CHST8: variants seen among roughly 807,000 people sequenced by gnomAD.
The protein encoded by CHST8 is carbohydrate sulfotransferase 8, also known as GALNAC-4-ST1.
CHST8 carries 10 observed loss-of-function variants against 15.0 expected under a neutral mutation model. The observed-to-expected ratio is 0.67, with a 90% CI of 0.41 to 1.13. CHST8 has a LOEUF of 1.13. Among genes scored for constraint, CHST8 ranks in the 50% most tolerant of loss-of-function variants. The pLI, the probability that CHST8 is intolerant of heterozygous loss-of-function variation, is 0.00. For missense variants in CHST8, 634 were observed against 608.2 expected (o/e 1.04, Z -0.45); for synonymous variants, 259 against 256.6 (o/e 1.01, Z -0.09).
Position 33,689,286 on chromosome 19 carries a change from C to A in CHST8, c.25C>A (p.Arg9=). ...GATGACCCTGCGACCTGGAACAATGCGGCTGGCCTGCATGTTCTCTTCCAT... is the reference window on the plus strand; with the variant it reads ...GATGACCCTGCGACCTGGAACAATGAGGCTGGCCTGCATGTTCTCTTCCAT... MTLRPGTM[R]LACMFSSILL... The change falls in exon 3 of 5, where the codon CGG becomes AGG. Residue 9 remains arginine (R), a synonymous_variant. Coordinates refer to ENST00000650847, the MANE Select transcript of CHST8 (RefSeq NM_001127895.2). 3 of 1,604,458 alleles carry A rather than the reference C, an allele frequency of 1.9e-6. No individual in the cohort carries two copies. The highest frequency in any genetic ancestry group is 1.1e-5 in the South Asian group (1 of 89,562).
At chr19:33,757,409 A>G (rs529741044) in intron 3 of CHST8, among the ~76,000 whole-genome samples, 1 of 6,064 alleles carries the variant, frequency 1.6e-4, no homozygotes, top group East Asian at 4.3e-3. Context: ...AAAGAAAGAA[A>G]GAAAGAAAGA....
intron 1 of CHST8, among the ~76,000 whole-genome samples, chr19:33,645,535 A>T (rs1198676311): frequency 3.3e-5 from 5 of 152,088 alleles, no homozygotes; most frequent in African/African-American, 1.2e-4. Context: ...GGGTGTGAGG[A>T]AGAGATAGCT....
At chr19:33,673,910 C>CGTCTGGCT (rs1972776253) in intron 2 of CHST8, among the ~76,000 whole-genome samples, 1 of 152,156 alleles carries the variant, frequency 6.6e-6, no homozygotes, top group East Asian at 1.9e-4. Context: ...CGCGCCATCA[C>CGTCTGGCT]ATCTGGCTAA....
intron 1 of CHST8, among the ~76,000 whole-genome samples, chr19:33,648,902 CTTTTTTTTT>C (rs376386370): frequency 1.0e-5 from 1 of 100,002 alleles, no homozygotes; most frequent in Non-Finnish European, 1.8e-5. Context: ...GAATGAAGCA[CTTTTTTTTT>C]TTTTTTTTTT....
At chr19:33,668,600 G>A (rs1429042296) in intron 2 of CHST8, among the ~76,000 whole-genome samples, 1 of 152,174 alleles carries the variant, frequency 6.6e-6, no homozygotes, top group Non-Finnish European at 1.5e-5. Flanking sequence ...GCAAGTGTAT[G>A]AGAATCTCCA....
At chr19:33,671,946 T>C (rs1972743720) in intron 2 of CHST8, among the ~76,000 whole-genome samples, 1 of 151,974 alleles carries the variant, frequency 6.6e-6, no homozygotes, top group Non-Finnish European at 1.5e-5. Context: ...ACCCCAAGTA[T>C]TGGTAATTGT....
At chr19:33,632,696 C>G (rs1218489152) in intron 1 of CHST8, among the ~76,000 whole-genome samples, 1 of 152,092 alleles carries the variant, frequency 6.6e-6, no homozygotes, top group Non-Finnish European at 1.5e-5. Flanking sequence ...TCATTCCCCT[C>G]CACCACAGAA....
At chr19:33,732,466 G>A (rs1974013442) in intron 3 of CHST8, among the ~76,000 whole-genome samples, 1 of 151,792 alleles carries the variant, frequency 6.6e-6, no homozygotes, top group Admixed American at 6.5e-5. Flanking sequence ...ACTGGCTACA[G>A]AGTCAGGTGT....
At chr19:33,652,650 AC>A (rs1374088302) in intron 1 of CHST8, among the ~76,000 whole-genome samples, 5 of 152,120 alleles carry the variant, frequency 3.3e-5, no homozygotes, top group African/African-American at 1.2e-4. Flanking sequence ...TGCTGGGATT[AC>A]AGGCATGAGC....
intron 3 of CHST8, among the ~76,000 whole-genome samples, chr19:33,721,220 G>T (rs1454384126): frequency 6.6e-6 from 1 of 152,314 alleles, no homozygotes; most frequent in East Asian, 1.9e-4. Flanking sequence ...GTCAGCATTG[G>T]CTCCAGCAGC....
chr19:33,713,235 C>T (rs1216844079), intron 3 of CHST8, among the ~76,000 whole-genome samples: 6 of 152,202 alleles, frequency 3.9e-5, no homozygotes, highest in Non-Finnish European at 5.9e-5. Flanking sequence ...TGCTGCTTCT[C>T]GCTACCCACA....
intron 3 of CHST8, chr19:33,744,329 A>G (rs1345823327): frequency 6.6e-6 from 1 of 152,228 alleles, no homozygotes; most frequent in African/African-American, 2.4e-5. Flanking sequence ...GTTATGTTGC[A>G]GGACAGAGAC....
At chr19:33,664,239 A>G (rs1972623081) in intron 1 of CHST8, among the ~76,000 whole-genome samples, 1 of 152,024 alleles carries the variant, frequency 6.6e-6, no homozygotes, top group Non-Finnish European at 1.5e-5. Flanking sequence ...CTGGGAATCT[A>G]TATGGTTTAC....
In CHST8 at chr19:33,772,633, T is replaced by C. The variant is rs1599649724; in HGVS notation, c.845T>C (p.Val282Ala). 6.2e-7 allele frequency: 1 copy of C among 1,613,934 alleles called. No homozygotes were observed. Among genetic ancestry groups the C allele is most frequent in the Admixed American group, 1.7e-5 (1 of 60,030 alleles). ...CACCCCAACAGCTACTATCACCCGG[T>C]CTTCGGCAAGGCCATCCTGGCCCGG... ...FEHPNSYYHP[V>A]FGKAILARYR... Residue 282 changes from valine to alanine, a missense_variant, in exon 5 of 5, where the codon GTC becomes GCC. By Grantham distance (64) the Val-to-Ala change is moderately conservative (BLOSUM62 0). Transcript: ENST00000650847.
intron 3 of CHST8, among the ~76,000 whole-genome samples, chr19:33,716,109 G>A (rs925649116): frequency 3.9e-5 from 6 of 152,226 alleles, no homozygotes; most frequent in East Asian, 1.9e-4. Context: ...ATATCGAGAC[G>A]GATTTTTTTC....
chr19:33,747,009 C>A (rs1038549040), intron 3 of CHST8, among the ~76,000 whole-genome samples: 3 of 152,160 alleles, frequency 2.0e-5, no homozygotes, highest in African/African-American at 7.2e-5. Flanking sequence ...GACTATATAT[C>A]ATGACATCAG....
intron 2 of CHST8, among the ~76,000 whole-genome samples, chr19:33,680,300 C>G (rs1209531497): frequency 6.6e-6 from 1 of 152,230 alleles, no homozygotes; most frequent in Admixed American, 6.5e-5. Flanking sequence ...CTTTCCCTCA[C>G]AACTGTGACT....
chr19:33,723,113 T>C (rs369582623), intron 3 of CHST8, among the ~76,000 whole-genome samples: 108 of 152,318 alleles, frequency 7.1e-4, no homozygotes, highest in African/African-American at 2.4e-3. Flanking sequence ...AGTGTGGGGC[T>C]CAGTGGGAAT....
At position 33,772,543 on chromosome 19, in the gene CHST8, C is replaced by T. The variant is rs930788650; in HGVS notation, c.755C>T (p.Thr252Ile). 1.2e-6 allele frequency: 2 copies of T among 1,614,078 alleles called. No individual in the cohort carries two copies. Among genetic ancestry groups the T allele is most frequent in the Admixed American group, 1.7e-5 (1 of 60,028 alleles). ...ATCTTGCACCGTCTCAGCACCTACA[C>T]CAAGATGCTCTTTGTCCGCGAGCCC... is the stretch of plus-strand genomic sequence containing the variant. ...QGILHRLSTY[T>I]KMLFVREPFE... Residue 252 changes from threonine (T) to isoleucine (I), a missense_variant, in exon 5 of 5, where the codon ACC (threonine) becomes ATC (isoleucine). Physicochemically the swap from Thr to Ile is moderately conservative, Grantham distance 89 (BLOSUM62 -1). Coordinates refer to ENST00000650847, the MANE Select transcript of CHST8 (RefSeq NM_001127895.2).
Sources: gnomAD v4.1 joint callset for allele counts (sites outside exome capture counted in the v4.1 genomes callset) on GRCh38, gnomAD v4.1.1 for gene constraint, MANE v1.5 for transcripts, NCBI Gene and HGNC (gene_info 2026-07-23, HGNC 2026-07-21) for gene names.